Variants in FAM161A observed in about 807,000 individuals in gnomAD.
FAM161A encodes the protein FAM161 centrosomal protein A.
In FAM161A, 57 loss-of-function variants were observed where a neutral mutation model predicts 70.9. The ratio of observed to expected loss-of-function variants is 0.80; its 90% CI spans 0.65 to 1.00. The LOEUF (loss-of-function observed/expected upper bound fraction) is 1.00. Ranked by LOEUF, FAM161A falls within the 50% of genes least tolerant of loss-of-function variation. The pLI, the probability that FAM161A is intolerant of heterozygous loss-of-function variation, is 0.00. For synonymous variants in FAM161A, 299 were observed against 295.7 expected (o/e 1.01, Z -0.12); for missense variants, 880 against 836.0 (o/e 1.05, Z -0.65).
downstream of FAM161A, chr2:61,820,227 C>G (rs1267875964): frequency 1.7e-6 from 1 of 601,460 alleles, no homozygotes. Flanking sequence ...CCTAAACAGC[C>G]AAGCAGCTGT....
chr2:61,822,701 C>G (rs1219582474), downstream of FAM161A, among the ~76,000 whole-genome samples: 1 of 152,182 alleles, frequency 6.6e-6, no homozygotes, highest in Non-Finnish European at 1.5e-5. Context: ...ATTCTCCTGC[C>G]TCAGCCTCCC....
chr2:61,806,742 G>T, the FAM161A span, among the ~76,000 whole-genome samples: 1 of 128,970 alleles, frequency 7.8e-6, no homozygotes, highest in South Asian at 2.4e-4. Flanking sequence ...GCCCAGGCTG[G>T]AGTGCAGTGG....
Position 61,848,914 on chromosome 2 carries a change from ATT to A in FAM161A, c.183+4943_183+4944del, listed in dbSNP as rs1440091152. 2.2e-3 allele frequency among the ~76,000 whole-genome samples: 3 copies of A among 1,388 alleles called. 1 individual carries two copies. Among genetic ancestry groups the A allele is most frequent in the African/African-American group, 9.4e-3 (1 of 106 alleles). 0.9% of individuals were successfully genotyped at this position (1,388 alleles called of 152,430 possible). A position where few individuals can be genotyped will look rare whatever the true frequency, so the allele number is the denominator to read the frequency against. ...TATATATTTATATATATATTTATAT[ATT>A]TATATATATTTATATATATATATTT... On this transcript the variant is annotated intron_variant, in intron 1 of 6. Coordinates refer to ENST00000404929, the MANE Select transcript of FAM161A (RefSeq NM_001201543.2).
intron 1 of FAM161A, among the ~76,000 whole-genome samples, chr2:61,852,994 C>A (rs1384248191): frequency 6.7e-6 from 1 of 148,914 alleles, no homozygotes; most frequent in Non-Finnish European, 1.5e-5. Flanking sequence ...TCACTGCAAC[C>A]CTCACCTCCC....
intron 2 of FAM161A, 49 bp downstream of exon 2, chr2:61,842,073 G>A (rs752703276): frequency 8.6e-7 from 1 of 1,160,540 alleles, no homozygotes; most frequent in Admixed American, 1.7e-5. Flanking sequence ...TCCTTTTAAG[G>A]ATACATTTTA....
chr2:61,843,030 A>G (rs1210832467), intron 1 of FAM161A, among the ~76,000 whole-genome samples: 1 of 152,244 alleles, frequency 6.6e-6, no homozygotes, highest in Non-Finnish European at 1.5e-5. Flanking sequence ...CTTTAGGATG[A>G]CAACAAAGCA....
chr2:61,842,438 C>A, intron 1 of FAM161A, 78 bp from the exon 2 acceptor site: 2 of 856,926 alleles, frequency 2.3e-6, no homozygotes, highest in Admixed American at 4.6e-5. Flanking sequence ...CAAAATGCTG[C>A]TTCTTAAAGA....
intron 5 of FAM161A, among the ~76,000 whole-genome samples, chr2:61,835,176 A>G (rs980536533): frequency 6.6e-6 from 1 of 152,214 alleles, no homozygotes; most frequent in Non-Finnish European, 1.5e-5. Context: ...GTTACAGGTA[A>G]ATTCTCCAAC....
chr2:61,837,673 G>C (rs1360654669), intron 4 of FAM161A, among the ~76,000 whole-genome samples: 1 of 152,126 alleles, frequency 6.6e-6, no homozygotes, highest in African/African-American at 2.4e-5. Context: ...GTAAGCTGAG[G>C]CAGGAGAATC....
At position 61,825,859 on chromosome 2, in the gene FAM161A, G is replaced by T. The variant is rs541618443; in HGVS notation, c.*596C>A. ...TCATCGTGTTAGCCAGGATGGTCTC[G>T]ATCTCCTGACCTCGTGATCCACCCG... On this transcript the variant is annotated 3_prime_UTR_variant, in exon 7 of 7. Coordinates refer to ENST00000404929, the MANE Select transcript of FAM161A (RefSeq NM_001201543.2). 1.1e-5 allele frequency: 5 copies of T among 452,038 alleles called. No individual in the cohort carries two copies. Among genetic ancestry groups the T allele is most frequent in the African/African-American group, 4.0e-5 (2 of 49,876 alleles). 28.0% of individuals were successfully genotyped at this position (452,038 alleles called of 1,614,324 possible). A position where few individuals can be genotyped will look rare whatever the true frequency, so the allele number is the denominator to read the frequency against.
At chr2:61,803,603 C>T in the FAM161A span, among the ~76,000 whole-genome samples, 1 of 152,300 alleles carries the variant, frequency 6.6e-6, no homozygotes, top group South Asian at 2.1e-4. Flanking sequence ...ATCACAAGGT[C>T]AGGAGTTCAA....
intron 1 of FAM161A, among the ~76,000 whole-genome samples, chr2:61,848,888 A>ATT (rs1558491702): frequency 0.011 from 39 of 3,682 alleles, 12 homozygotes; most frequent in African/African-American, 0.016. Context: ...ATATATATTT[A>ATT]TATATATTTA....
chr2:61,818,181 G>A, the FAM161A span, among the ~76,000 whole-genome samples: 1 of 151,022 alleles, frequency 6.6e-6, no homozygotes, highest in Non-Finnish European at 1.5e-5. Flanking sequence ...TCAGCCTCCT[G>A]AGTAGCTGGG....
At chr2:61,828,412 T>G (rs915943993) in intron 5 of FAM161A, among the ~76,000 whole-genome samples, 1 of 152,010 alleles carries the variant, frequency 6.6e-6, no homozygotes. Context: ...CACTGCAGCC[T>G]CAACCTGCTG....
In FAM161A at chr2:61,826,293, G is replaced by A. The variant is rs746537609; in HGVS notation, c.*162C>T. 1.3e-6 allele frequency: 1 copy of A among 762,098 alleles called. No individual in the cohort carries two copies. The highest frequency in any genetic ancestry group is 2.3e-6 in the Non-Finnish European group (1 of 432,726). 47.2% of individuals were successfully genotyped at this position (762,098 alleles called of 1,614,324 possible). ...AAAGCCTTACTCTAACTGATCAAATGACCAATCAGCTGGATTCAGGCTTTT... is the reference window on the plus strand; with the variant it reads ...AAAGCCTTACTCTAACTGATCAAATAACCAATCAGCTGGATTCAGGCTTTT... On this transcript the variant is annotated 3_prime_UTR_variant, in exon 7 of 7. Transcript: ENST00000404929.
chr2:61,823,648 G>A (rs532429816), downstream of FAM161A, among the ~76,000 whole-genome samples: 1 of 152,128 alleles, frequency 6.6e-6, no homozygotes, highest in East Asian at 1.9e-4. Flanking sequence ...TTACAGGCAT[G>A]AGCCACCACA....
the FAM161A span, among the ~76,000 whole-genome samples, chr2:61,819,411 C>T: frequency 2.0e-5 from 3 of 152,106 alleles, no homozygotes; most frequent in Non-Finnish European, 4.4e-5. Context: ...TACAGTGAGC[C>T]ATGATCCCGC....
In FAM161A at chr2:61,839,919, C is replaced by A. The variant is rs200813667; in HGVS notation, c.1085G>T (p.Arg362Leu). The part of the protein sequence containing the change: ...TNRFKARPIP[R>L]STYGSTTNDK... ...ATTGGTAGTTGAACCATAAGTAGATCGAGGAATGGGTCTGGCTTTAAATCG... is the reference window on the plus strand; with the variant it reads ...ATTGGTAGTTGAACCATAAGTAGATAGAGGAATGGGTCTGGCTTTAAATCG... Residue 362 changes from arginine (R) to leucine (L), a missense_variant, in exon 3 of 7, where the codon CGA becomes CTA. Arg to Leu is a moderately radical substitution (Grantham distance 102). Transcript: ENST00000404929. 193 of 1,614,030 alleles carry A rather than the reference C, an allele frequency of 1.2e-4. No individual in the cohort carries two copies. Among genetic ancestry groups the A allele is most frequent in the Middle Eastern group, 1.6e-4 (1 of 6,084 alleles).
the FAM161A span, among the ~76,000 whole-genome samples, chr2:61,813,514 A>G: frequency 6.7e-6 from 1 of 148,632 alleles, no homozygotes; most frequent in Non-Finnish European, 1.5e-5. Context: ...TGACACTGCA[A>G]TCCAGCCTGG....
Sources: gnomAD v4.1 joint callset for allele counts (sites outside exome capture counted in the v4.1 genomes callset) on GRCh38, gnomAD v4.1.1 for gene constraint, MANE v1.5 for transcripts, NCBI Gene and HGNC (gene_info 2026-07-23, HGNC 2026-07-21) for gene names.